The following STK39 variants were observed in gnomAD, a reference collection of about 807,000 sequenced individuals.
STK39 encodes the protein STE20/SPS1-related proline-alanine-rich protein kinase.
In STK39, 20 loss-of-function variants were observed where a neutral mutation model predicts 77.8. The ratio of observed to expected loss-of-function variants is 0.26; its 90% CI spans 0.18 to 0.37. The LOEUF is 0.37. Among genes scored for constraint, STK39 ranks in the 10% least tolerant of loss-of-function variants. STK39 has a pLI of 1.00. For synonymous variants in STK39, 246 were observed against 234.1 expected, an observed-to-expected ratio of 1.05 and a Z score of -0.47; for missense variants, 479 against 656.5, an observed-to-expected ratio of 0.73 and a Z score of 2.95.
chr2:168,042,577 C>CTTTTTTTTTTTTTTTTTTTTT (rs540413448), intron 14 of STK39, among the ~76,000 whole-genome samples: 2 of 133,046 alleles, frequency 1.5e-5, no homozygotes. Flanking sequence ...TTCCTTCCTT[C>CTTTTTTTTTTTTTTTTTTTTT]TTTTTTTTTT....
intron 8 of STK39, among the ~76,000 whole-genome samples, chr2:168,133,667 G>A (rs1163872813): frequency 6.6e-6 from 1 of 152,124 alleles, no homozygotes; most frequent in Non-Finnish European, 1.5e-5. Flanking sequence ...AGAACAGCCT[G>A]GCCAACATGG....
At chr2:168,172,340 A>C (rs927301072) in intron 2 of STK39, among the ~76,000 whole-genome samples, 3 of 152,048 alleles carry the variant, frequency 2.0e-5, no homozygotes, top group African/African-American at 7.2e-5. Context: ...TGTTGGCCCC[A>C]CTGGCTCAAG....
chr2:168,052,665 G>A (rs566769534), intron 14 of STK39, among the ~76,000 whole-genome samples: 6 of 152,152 alleles, frequency 3.9e-5, no homozygotes, highest in Non-Finnish European at 8.8e-5. Flanking sequence ...CATTGTGTAA[G>A]GCTCACAGAG....
intron 8 of STK39, among the ~76,000 whole-genome samples, chr2:168,130,382 G>A (rs1438192099): frequency 2.0e-5 from 3 of 152,212 alleles, no homozygotes; most frequent in Non-Finnish European, 2.9e-5. Flanking sequence ...CATATTTCCT[G>A]TAAACTCTAA....
intron 14 of STK39, among the ~76,000 whole-genome samples, chr2:168,061,736 T>A (rs1357297369): frequency 6.6e-6 from 1 of 152,210 alleles, no homozygotes; most frequent in African/African-American, 2.4e-5. Flanking sequence ...ATTCTTATAG[T>A]ATTTTGTCTA....
chr2:168,125,426 C>T (rs2105498494), intron 10 of STK39, among the ~76,000 whole-genome samples: 1 of 152,262 alleles, frequency 6.6e-6, no homozygotes, highest in Admixed American at 6.5e-5. Flanking sequence ...CTTTTATTCT[C>T]ATGCACAAAG....
intron 16 of STK39, among the ~76,000 whole-genome samples, chr2:167,995,212 C>A (rs1276606197): frequency 6.6e-6 from 1 of 151,860 alleles, no homozygotes; most frequent in Non-Finnish European, 1.5e-5. Context: ...CGGGTTCAAG[C>A]GATTCTCCTG....
intron 14 of STK39, among the ~76,000 whole-genome samples, chr2:168,026,671 T>C (rs1684707053): frequency 6.6e-6 from 1 of 152,140 alleles, no homozygotes; most frequent in Non-Finnish European, 1.5e-5. Context: ...AAGGAAGACT[T>C]TTCCCCCAGT....
At chr2:167,972,380 G>A (rs748153311) in intron 16 of STK39, among the ~76,000 whole-genome samples, 9 of 152,116 alleles carry the variant, frequency 5.9e-5, no homozygotes, top group African/African-American at 1.7e-4. Context: ...AGGATAAAAC[G>A]TGTGCCTAGG....
chr2:167,972,892 G>C (rs1218790092), intron 16 of STK39, among the ~76,000 whole-genome samples: 1 of 152,066 alleles, frequency 6.6e-6, no homozygotes, highest in East Asian at 1.9e-4. Flanking sequence ...CCAAGATCTA[G>C]TATAAAAACA....
At position 168,042,561 on chromosome 2, in the gene STK39, T is replaced by C. The variant is rs529584777; in HGVS notation, c.1376+20939A>G. Among the ~76,000 whole-genome samples the C allele has an allele frequency of 2.7e-5, 4 of 150,640 alleles. No individual in the cohort carries two copies. In the East Asian group the frequency reaches 7.8e-4, roughly 29 times the overall value. On this transcript the variant is annotated intron_variant, in intron 14 of 17. Transcript: ENST00000355999. ...AACAACAGGTTTGAAGGATCTTAAT[T>C]CTATCTTCCTTCCTTCTTTTTTTTT...
intron 14 of STK39, among the ~76,000 whole-genome samples, chr2:168,050,786 TA>T (rs1685375878): frequency 6.6e-6 from 1 of 152,234 alleles, no homozygotes; most frequent in Non-Finnish European, 1.5e-5. Flanking sequence ...TTTAAGCCAC[TA>T]AGTAAATGGT....
chr2:168,160,000 T>C (rs995685775), intron 5 of STK39, among the ~76,000 whole-genome samples: 1 of 152,216 alleles, frequency 6.6e-6, no homozygotes, highest in African/African-American at 2.4e-5. Flanking sequence ...CCCAAAGGCC[T>C]GTGATGGAAG....
chr2:168,247,308 G>GGGGCCA lies in STK39; in HGVS notation c.127_128insTGGCCC (p.Ala42_Pro43insLeuAla). ...TGCCGCCGGGGCCGGGGCCGGGGCC[G>GGGGCCA]GGGCCGCGGGAGCTGCCGGGGCCGG... On this transcript the variant is annotated inframe_insertion, in exon 1 of 18. Coordinates refer to ENST00000355999, the MANE Select transcript of STK39 (RefSeq NM_013233.3). The GGGGCCA allele has an allele frequency of 9.6e-7, 1 of 1,039,192 alleles. No individual in the cohort carries two copies. The highest frequency in any genetic ancestry group is 1.2e-6 in the Non-Finnish European group (1 of 863,198). 64.4% of individuals were successfully genotyped at this position (1,039,192 alleles called of 1,614,324 possible). A position where few individuals can be genotyped will look rare whatever the true frequency, so the allele number is the denominator to read the frequency against.
intron 1 of STK39, among the ~76,000 whole-genome samples, chr2:168,240,922 A>G (rs1409751566): frequency 6.6e-6 from 1 of 152,212 alleles, no homozygotes; most frequent in Non-Finnish European, 1.5e-5. Context: ...CCCTGCAGAG[A>G]GCAGAGAAAA....
intron 16 of STK39, among the ~76,000 whole-genome samples, chr2:167,981,859 G>A (rs1407879055): frequency 6.6e-6 from 1 of 152,108 alleles, no homozygotes. Context: ...TCTGATCCAA[G>A]GTAAGTCACA....
At chr2:168,234,178 A>G (rs2105266539) in intron 1 of STK39, among the ~76,000 whole-genome samples, 1 of 152,324 alleles carries the variant, frequency 6.6e-6, no homozygotes, top group Non-Finnish European at 1.5e-5. Flanking sequence ...CCATCATAAC[A>G]GTATTTAGCC....
intron 1 of STK39, among the ~76,000 whole-genome samples, chr2:168,229,480 A>C (rs1438031864): frequency 1.3e-5 from 2 of 152,210 alleles, no homozygotes; most frequent in African/African-American, 4.8e-5. Context: ...AACTAAAAAA[A>C]ATGAAGAGAG....
chr2:168,078,330 T>C (rs542425102), intron 10 of STK39, among the ~76,000 whole-genome samples: 17 of 152,100 alleles, frequency 1.1e-4, no homozygotes, highest in Admixed American at 9.2e-4. Context: ...AGGAGAAGCA[T>C]GGTTCCTGGC....
Sources: gnomAD v4.1 joint callset for allele counts (sites outside exome capture counted in the v4.1 genomes callset) on GRCh38, gnomAD v4.1.1 for gene constraint, MANE v1.5 for transcripts, NCBI Gene and HGNC (gene_info 2026-07-23, HGNC 2026-07-21) for gene names.